DOK6: variants seen among roughly 807,000 people sequenced by gnomAD.
DOK6 encodes the protein docking protein 6.
A neutral mutation model predicts 44.0 loss-of-function variants in DOK6; 22 were observed. The observed-to-expected ratio is 0.50, with a 90% CI of 0.36 to 0.71. DOK6 has a LOEUF of 0.71. Among genes scored for constraint, DOK6 ranks in the 30% least tolerant of loss-of-function variants. DOK6 has a pLI of 0.00. For synonymous variants in DOK6, 166 were observed against 145.5 expected, an observed-to-expected ratio of 1.14 and a Z score of -1.01; for missense variants, 340 against 416.4, an observed-to-expected ratio of 0.82 and a Z score of 1.60.
At chr18:69,418,265 G>A (rs548153583) in intron 1 of DOK6, among the ~76,000 whole-genome samples, 1 of 151,954 alleles carries the variant, frequency 6.6e-6, no homozygotes, top group Non-Finnish European at 1.5e-5. Flanking sequence ...TCATTCTTCT[G>A]TCTATGGTCT....
chr18:69,431,889 A>T (rs2122424573), intron 1 of DOK6, among the ~76,000 whole-genome samples: 1 of 152,346 alleles, frequency 6.6e-6, no homozygotes, highest in East Asian at 1.9e-4. Flanking sequence ...TTCATCTGGC[A>T]TTCCCTTATG....
At chr18:69,405,040 T>A (rs1352329662) in intron 1 of DOK6, among the ~76,000 whole-genome samples, 1 of 152,292 alleles carries the variant, frequency 6.6e-6, no homozygotes, top group East Asian at 1.9e-4. Context: ...GAGGGACAGA[T>A]TGCGAGTTTT....
chr18:69,830,487 A>G (rs1981870871), intron 7 of DOK6, among the ~76,000 whole-genome samples: 1 of 152,170 alleles, frequency 6.6e-6, no homozygotes, highest in Non-Finnish European at 1.5e-5. Context: ...GACACAGCAC[A>G]AAGATGGCCA....
chr18:69,434,928 A>AAGGG (rs377517457), intron 1 of DOK6, among the ~76,000 whole-genome samples: 3,931 of 71,060 alleles, frequency 0.055, 228 homozygotes, highest in Non-Finnish European at 0.087. Context: ...CAAAAGAAAA[A>AAGGG]AGGGAGGGAG....
intron 2 of DOK6, among the ~76,000 whole-genome samples, chr18:69,598,075 T>G (rs1008059968): frequency 9.2e-5 from 14 of 152,158 alleles, no homozygotes; most frequent in Non-Finnish European, 1.5e-4. Flanking sequence ...TTTAGGTTTT[T>G]TTGTGTTCTT....
chr18:69,687,348 A>C (rs1396783278), intron 4 of DOK6, among the ~76,000 whole-genome samples: 1 of 152,204 alleles, frequency 6.6e-6, no homozygotes, highest in Non-Finnish European at 1.5e-5. Flanking sequence ...GCATTTGATA[A>C]AATTCAAAAT....
chr18:69,482,501 C>A (rs1599152164), intron 1 of DOK6, among the ~76,000 whole-genome samples: 1 of 151,888 alleles, frequency 6.6e-6, no homozygotes, highest in East Asian at 1.9e-4. Flanking sequence ...TGTTTGTATC[C>A]CATGGAATTT....
chr18:69,599,493 A>G lies in DOK6; in HGVS notation c.284A>G (p.Glu95Gly), dbSNP rs1439860461. Residue 95 changes from glutamate (E) to glycine (G), a missense_variant, in exon 3 of 8, where the codon GAG (glutamate) becomes GGG (glycine). Glu to Gly is a moderately conservative substitution (Grantham distance 98). Coordinates refer to ENST00000382713, the MANE Select transcript of DOK6 (RefSeq NM_152721.6). Reference protein sequence around the residue: ...HDETSKTFACESELEAEEWCK... With the variant: ...HDETSKTFACGSELEAEEWCK... The stretch of plus-strand genomic sequence containing the variant: ...GAAACATCGAAGACATTTGCCTGTG[A>G]GTCAGGTAAGCTATTATTGGCCATC... The G allele has an allele frequency of 6.2e-7, 1 of 1,613,256 alleles. No individual in the cohort carries two copies. Among genetic ancestry groups the G allele is most frequent in the Non-Finnish European group, 8.5e-7 (1 of 1,179,626 alleles).
intron 3 of DOK6, chr18:69,660,041 G>T: frequency 6.6e-6 from 1 of 151,198 alleles, no homozygotes; most frequent in African/African-American, 2.4e-5. Context: ...TGTCTTCCTA[G>T]CTTTACAATA....
At chr18:69,700,828 G>T (rs1008761352) in intron 5 of DOK6, among the ~76,000 whole-genome samples, 1 of 152,094 alleles carries the variant, frequency 6.6e-6, no homozygotes, top group South Asian at 2.1e-4. Context: ...GATGAGACTG[G>T]GGACAATTTA....
intron 1 of DOK6, among the ~76,000 whole-genome samples, chr18:69,514,349 A>C (rs1019467209): frequency 6.6e-6 from 1 of 152,302 alleles, no homozygotes; most frequent in South Asian, 2.1e-4. Context: ...TGAAAAATTA[A>C]CAAGACTTGC....
chr18:69,630,718 T>C (rs773615503), intron 3 of DOK6, among the ~76,000 whole-genome samples: 2 of 152,252 alleles, frequency 1.3e-5, no homozygotes, highest in Non-Finnish European at 1.5e-5. Context: ...AGTTTGGATT[T>C]ATTTGTTCTT....
intron 1 of DOK6, among the ~76,000 whole-genome samples, chr18:69,426,672 A>T (rs1369818165): frequency 6.6e-6 from 1 of 152,228 alleles, no homozygotes; most frequent in Admixed American, 6.5e-5. Context: ...TAAAAGTGTC[A>T]GAAATGATTG....
chr18:69,544,729 G>A (rs1360493214), intron 1 of DOK6, among the ~76,000 whole-genome samples: 2 of 151,424 alleles, frequency 1.3e-5, no homozygotes, highest in South Asian at 2.1e-4. Context: ...ATAGAAATAC[G>A]GTTTTTATAT....
chr18:69,689,181 G>A (rs914237592), intron 4 of DOK6, among the ~76,000 whole-genome samples: 1 of 152,160 alleles, frequency 6.6e-6, no homozygotes, highest in African/African-American at 2.4e-5. Flanking sequence ...CAGATCAGTG[G>A]TGGTTCTGAG....
At chr18:69,458,208 T>C (rs1309231955) in intron 1 of DOK6, among the ~76,000 whole-genome samples, 1 of 152,166 alleles carries the variant, frequency 6.6e-6, no homozygotes, top group African/African-American at 2.4e-5. Flanking sequence ...CACAATCAAG[T>C]AGGCTTTATT....
chr18:69,445,471 C>G (rs1313892054), intron 1 of DOK6, among the ~76,000 whole-genome samples: 1 of 152,116 alleles, frequency 6.6e-6, no homozygotes, highest in Non-Finnish European at 1.5e-5. Context: ...CCTTCTCTTC[C>G]CAGATTATTA....
In DOK6 at chr18:69,535,317, T is replaced by C. The variant is rs147573605; in HGVS notation, c.67-29170T>C. Among the ~76,000 whole-genome samples the C allele has an allele frequency of 2.5e-3, 385 of 152,240 alleles. 3 individuals are homozygous for C. Among genetic ancestry groups the C allele is most frequent in the African/African-American group, 8.6e-3 (359 of 41,574 alleles). On this transcript the variant is annotated intron_variant, in intron 1 of 7. Coordinates refer to ENST00000382713, the MANE Select transcript of DOK6 (RefSeq NM_152721.6). ...TCATTGTAAAACTTATAATTTTCTC[T>C]TACATTTTCTGTATCTTTGTTGCTG...
In DOK6 at chr18:69,722,214, C is replaced by A. The variant is rs73455047; in HGVS notation, c.600-16751C>A. On this transcript the variant is annotated intron_variant, in intron 5 of 7. Coordinates refer to ENST00000382713, the MANE Select transcript of DOK6 (RefSeq NM_152721.6). ...TTCAGGGAGGAAAAGGATGCTAATACTATTCGCATTTACACCTTTGAACTT... is the reference window on the plus strand; with the variant it reads ...TTCAGGGAGGAAAAGGATGCTAATAATATTCGCATTTACACCTTTGAACTT... 4.8e-3 allele frequency among the ~76,000 whole-genome samples: 738 copies of A among 152,286 alleles called. 4 individuals are homozygous for A. The highest frequency in any genetic ancestry group is 0.016 in the African/African-American group (675 of 41,556).
Sources: gnomAD v4.1 joint callset for allele counts (sites outside exome capture counted in the v4.1 genomes callset) on GRCh38, gnomAD v4.1.1 for gene constraint, MANE v1.5 for transcripts, NCBI Gene and HGNC (gene_info 2026-07-23, HGNC 2026-07-21) for gene names.